The following PPFIBP1 variants were observed in gnomAD, a reference collection of about 807,000 sequenced individuals.
The protein encoded by PPFIBP1 is PPFIB scaffold protein 1.
In PPFIBP1, 112 loss-of-function variants were observed where a neutral mutation model predicts 137.8. The observed-to-expected ratio is 0.81, with a 90% CI of 0.70 to 0.95. The LOEUF (loss-of-function observed/expected upper bound fraction) is 0.95. PPFIBP1 is among the 40% of genes least tolerant of loss of function. PPFIBP1 has a pLI of 0.00. For synonymous variants in PPFIBP1, 378 were observed against 417.3 expected, an observed-to-expected ratio of 0.91 and a Z score of 1.15; for missense variants, 1,083 against 1,196.6, an observed-to-expected ratio of 0.91 and a Z score of 1.40.
At chr12:27,679,836 G>T in intron 20 of PPFIBP1, 97 bp from the exon 21 acceptor site, 1 of 1,477,658 alleles carries the variant, frequency 6.8e-7, no homozygotes. Context: ...ACACAAAGAG[G>T]ATTAGTTCCA....
chr12:27,659,767 T>G (rs1280866132), intron 10 of PPFIBP1, among the ~76,000 whole-genome samples: 1 of 152,196 alleles, frequency 6.6e-6, no homozygotes, highest in Non-Finnish European at 1.5e-5. Flanking sequence ...TGCTGAATGA[T>G]GCACCACTGT....
intron 2 of PPFIBP1, among the ~76,000 whole-genome samples, chr12:27,596,997 G>C (rs573172178): frequency 6.6e-6 from 1 of 152,246 alleles, no homozygotes; most frequent in East Asian, 1.9e-4. Context: ...AGATTCCTGG[G>C]GGAATTGATC....
At chr12:27,664,595 T>G in intron 12 of PPFIBP1, 149 bp downstream of exon 12, 1 of 633,118 alleles carries the variant, frequency 1.6e-6, no homozygotes, top group Non-Finnish European at 2.9e-6. Context: ...GCAACTGTAC[T>G]CTGCCAGAAA....
intron 1 of PPFIBP1, among the ~76,000 whole-genome samples, chr12:27,537,278 C>G (rs1055742776): frequency 6.6e-6 from 1 of 152,092 alleles, no homozygotes; most frequent in Admixed American, 6.5e-5. Context: ...ATTACAGATG[C>G]CTGCCACCAC....
chr12:27,653,200 A>G (rs948341417), intron 7 of PPFIBP1, among the ~76,000 whole-genome samples: 15 of 152,158 alleles, frequency 9.9e-5, no homozygotes, highest in Non-Finnish European at 1.5e-4. Context: ...TTCATATAGC[A>G]TTGTTCTACT....
chr12:27,593,353 A>G (rs1485385155), intron 2 of PPFIBP1: 2 of 418,832 alleles, frequency 4.8e-6, no homozygotes, highest in Non-Finnish European at 9.4e-6. Flanking sequence ...TCTGTGGTTC[A>G]ACCCAGGCCT....
chr12:27,665,508 C>A (rs1226024145), intron 12 of PPFIBP1, among the ~76,000 whole-genome samples: 10 of 152,100 alleles, frequency 6.6e-5, no homozygotes, highest in Non-Finnish European at 8.8e-5. Flanking sequence ...CAGCTTTGAA[C>A]ATGGTGAGTT....
chr12:27,572,372 T>C (rs1199245053), intron 1 of PPFIBP1, among the ~76,000 whole-genome samples: 2 of 152,246 alleles, frequency 1.3e-5, no homozygotes, highest in African/African-American at 2.4e-5. Context: ...TGGCAGACTT[T>C]AATCATTTCA....
At chr12:27,685,284 TAC>T (rs146218344) in intron 24 of PPFIBP1, among the ~76,000 whole-genome samples, 22,469 of 150,774 alleles carry the variant, frequency 0.15, 2,096 homozygotes, top group Middle Eastern at 0.22. Flanking sequence ...TGTATCCATA[TAC>T]ACACACACAC....
chr12:27,653,626 C>T (rs1170344667), intron 7 of PPFIBP1, among the ~76,000 whole-genome samples: 2 of 146,078 alleles, frequency 1.4e-5, no homozygotes, highest in Non-Finnish European at 3.0e-5. Flanking sequence ...GAGAGAGAAG[C>T]AAAAATATAG....
intron 15 of PPFIBP1, 106 bp from the exon 16 acceptor site, chr12:27,673,661 C>G: frequency 1.1e-6 from 1 of 876,452 alleles, no homozygotes; most frequent in Non-Finnish European, 1.8e-6. Flanking sequence ...TCTTTTATTG[C>G]CAGGATTCAA....
intron 1 of PPFIBP1, among the ~76,000 whole-genome samples, chr12:27,540,274 T>C (rs1456736500): frequency 1.3e-5 from 2 of 150,838 alleles, no homozygotes; most frequent in East Asian, 3.9e-4. Flanking sequence ...AGTACTGAGG[T>C]TGAGAAACGC....
At chr12:27,676,242 AG>A (rs1331696797) in intron 17 of PPFIBP1, among the ~76,000 whole-genome samples, 185 bp from the exon 18 acceptor site, 2 of 152,186 alleles carry the variant, frequency 1.3e-5, no homozygotes, top group Non-Finnish European at 2.9e-5. Context: ...TTTCTTAAGT[AG>A]CTTTCAGAAT....
intron 2 of PPFIBP1, among the ~76,000 whole-genome samples, chr12:27,620,150 C>A (rs1039599410): frequency 6.6e-6 from 1 of 152,178 alleles, no homozygotes; most frequent in African/African-American, 2.4e-5. Context: ...GTCACCCCTG[C>A]AGTGTGTTCT....
chr12:27,633,325 A>G (rs2057391592), intron 2 of PPFIBP1, 37 bp from the exon 3 acceptor site: 3 of 1,407,512 alleles, frequency 2.1e-6, no homozygotes, highest in Admixed American at 1.7e-5. Flanking sequence ...AGCCTATGTC[A>G]TTTAATGGAT....
chr12:27,649,789 C>T (rs539374228), intron 6 of PPFIBP1, among the ~76,000 whole-genome samples: 78 of 152,184 alleles, frequency 5.1e-4, no homozygotes, highest in Non-Finnish European at 9.7e-4. Flanking sequence ...TGACCTCAAG[C>T]GATCTGCCTG....
intron 2 of PPFIBP1, among the ~76,000 whole-genome samples, chr12:27,617,043 A>G (rs2055837838): frequency 6.6e-6 from 1 of 152,218 alleles, no homozygotes; most frequent in Admixed American, 6.5e-5. Flanking sequence ...AGCTAAATCA[A>G]GAGGCAGCAA....
intron 2 of PPFIBP1, among the ~76,000 whole-genome samples, chr12:27,610,089 T>A (rs1055475371): frequency 1.3e-5 from 2 of 152,116 alleles, no homozygotes; most frequent in African/African-American, 4.8e-5. Context: ...AGGTACTCTG[T>A]GAAGGACATG....
intron 1 of PPFIBP1, among the ~76,000 whole-genome samples, chr12:27,543,143 A>G (rs1020813389): frequency 2.6e-5 from 4 of 152,234 alleles, no homozygotes; most frequent in African/African-American, 9.6e-5. Context: ...ACTCCCTGAA[A>G]TTAAATCATT....
Sources: gnomAD v4.1 joint callset for allele counts (sites outside exome capture counted in the v4.1 genomes callset) on GRCh38, gnomAD v4.1.1 for gene constraint, MANE v1.5 for transcripts, NCBI Gene and HGNC (gene_info 2026-07-23, HGNC 2026-07-21) for gene names.